The following EDIL3 variants were observed in gnomAD, a reference collection of about 807,000 sequenced individuals.
EDIL3 encodes the protein EGF-like repeat and discoidin I-like domain-containing protein 3.
A neutral mutation model predicts 67.4 loss-of-function variants in EDIL3; 37 were observed. The ratio of observed to expected loss-of-function variants is 0.55; its 90% CI spans 0.42 to 0.72. The LOEUF (loss-of-function observed/expected upper bound fraction) is 0.72, where lower values mean the gene tolerates loss of function less well. Among genes scored for constraint, EDIL3 ranks in the 30% least tolerant of loss-of-function variants. The pLI is 0.00. For missense variants in EDIL3, 527 were observed against 586.3 expected (o/e 0.90, Z 1.04); for synonymous variants, 195 against 196.3 (o/e 0.99, Z 0.05).
chr5:84,028,206 T>A (rs1745852946), intron 9 of EDIL3, among the ~76,000 whole-genome samples: 1 of 152,164 alleles, frequency 6.6e-6, no homozygotes, highest in Admixed American at 6.5e-5. Context: ...CTTGCTTTAC[T>A]CAGGGGCTTA....
intron 3 of EDIL3, among the ~76,000 whole-genome samples, chr5:84,208,685 C>CAAAAAAA (rs70975546): frequency 3.4e-5 from 2 of 59,410 alleles, no homozygotes; most frequent in Admixed American, 2.7e-4. Flanking sequence ...GACTCCGTCT[C>CAAAAAAA]AAAAAAAAAA....
chr5:84,283,652 C>T (rs1295364090), intron 1 of EDIL3, among the ~76,000 whole-genome samples: 1 of 152,202 alleles, frequency 6.6e-6, no homozygotes, highest in Non-Finnish European at 1.5e-5. Context: ...AAATCTTCCT[C>T]AATCTCTCAT....
intron 9 of EDIL3, among the ~76,000 whole-genome samples, chr5:84,007,220 T>C (rs1745433859): frequency 6.6e-6 from 1 of 152,124 alleles, no homozygotes; most frequent in Non-Finnish European, 1.5e-5. Flanking sequence ...TGGGCAAAGA[T>C]TTCTTGAGTG....
At chr5:84,015,648 A>T (rs1037090973) in intron 9 of EDIL3, among the ~76,000 whole-genome samples, 1 of 151,770 alleles carries the variant, frequency 6.6e-6, no homozygotes, top group African/African-American at 2.4e-5. Context: ...AAGAGATATA[A>T]CAAGAGTGTG....
At chr5:84,294,705 G>T (rs1746007034) in intron 1 of EDIL3, among the ~76,000 whole-genome samples, 1 of 152,118 alleles carries the variant, frequency 6.6e-6, no homozygotes, top group Non-Finnish European at 1.5e-5. Flanking sequence ...GCACAGTTAG[G>T]AAATAAATTG....
rs1231320538 is a variant in EDIL3 at position 84,064,783 on chromosome 5, T to C, written c.869A>G (p.Lys290Arg). ...PYANSFTPPI[K>R]AQYVRLYPQV... ...GGGATAGAGTCTTACATACTGAGCT[T>C]TTATGGGGGGTGTGAAAGAGTTAGC... Residue 290 changes from lysine to arginine, a missense_variant, in exon 8 of 11, where the codon AAA (lysine) becomes AGA (arginine). Physicochemically the swap from Lys to Arg is conservative, Grantham distance 26. This residue lies in a region of EDIL3 where 494 missense variants were observed against 522.5 expected (regional missense o/e 0.95). Transcript: ENST00000296591. 1.2e-6 allele frequency: 2 copies of C among 1,613,904 alleles called. No homozygotes were observed. The highest frequency in any genetic ancestry group is 8.5e-7 in the Non-Finnish European group (1 of 1,179,848).
chr5:84,115,459 G>T (rs1487528320), intron 5 of EDIL3, among the ~76,000 whole-genome samples: 1 of 152,012 alleles, frequency 6.6e-6, no homozygotes, highest in Non-Finnish European at 1.5e-5. Flanking sequence ...ATTGATTTGT[G>T]AGCATATTGA....
intron 1 of EDIL3, among the ~76,000 whole-genome samples, chr5:84,360,754 T>G (rs1346736019): frequency 6.6e-6 from 1 of 152,190 alleles, no homozygotes; most frequent in Non-Finnish European, 1.5e-5. Context: ...TGATTTCATT[T>G]CACTCTAATC....
intron 10 of EDIL3, 37 bp from the exon 11 acceptor site, chr5:83,943,605 C>G (rs1210779822): frequency 2.5e-6 from 4 of 1,595,284 alleles, no homozygotes; most frequent in Non-Finnish European, 3.4e-6. Context: ...AGTCACACAG[C>G]CTTCTTTCTT....
chr5:84,290,924 C>T (rs756553869), intron 1 of EDIL3, among the ~76,000 whole-genome samples: 2 of 152,140 alleles, frequency 1.3e-5, no homozygotes, highest in Non-Finnish European at 2.9e-5. Flanking sequence ...AGTTTCAACC[C>T]TTGAACAGAA....
chr5:84,104,076 G>A (rs1425024418), intron 6 of EDIL3, among the ~76,000 whole-genome samples: 1 of 152,080 alleles, frequency 6.6e-6, no homozygotes, highest in Non-Finnish European at 1.5e-5. Context: ...GAACATGAAT[G>A]AAGCTGGAGC....
chr5:84,257,054 T>C (rs1232026929), intron 1 of EDIL3, among the ~76,000 whole-genome samples: 1 of 152,210 alleles, frequency 6.6e-6, no homozygotes, highest in Non-Finnish European at 1.5e-5. Context: ...TCCCACTCTG[T>C]CCTATAACCA....
At chr5:84,066,755 C>T (rs1746649770) in intron 6 of EDIL3, 149 bp from the exon 7 acceptor site, 1 of 1,042,854 alleles carries the variant, frequency 9.6e-7, no homozygotes, top group Non-Finnish European at 1.3e-6. Flanking sequence ...TTACAATAGG[C>T]ATATATTAAA....
chr5:83,971,340 G>A (rs1326792770), intron 9 of EDIL3, among the ~76,000 whole-genome samples: 1 of 149,474 alleles, frequency 6.7e-6, no homozygotes, highest in Non-Finnish European at 1.5e-5. Flanking sequence ...TGAAGTGCAT[G>A]ATCATAGGTC....
In EDIL3 at chr5:84,197,669, A is replaced by G. The variant is rs536362011; in HGVS notation, c.227-17148T>C. ...CGAAACTACATCTCAAAAAAAAAAA[A>G]GCAAACAAACAAAAAAAAAGTTAAG... On this transcript the variant is annotated intron_variant, in intron 3 of 10. Transcript: ENST00000296591. Among the ~76,000 whole-genome samples the G allele has an allele frequency of 5.9e-5, 9 of 151,770 alleles. No homozygotes were observed. In the East Asian group the frequency reaches 1.6e-3, roughly 26 times the overall value.
chr5:84,269,460 T>C lies in EDIL3; in HGVS notation c.68-15248A>G, dbSNP rs553012238. ...CTAGTATCCTTTCAGAAATATTATC[T>C]CAATAAAGAATACTACTAATAGTAT... On this transcript the variant is annotated intron_variant, in intron 1 of 10. Transcript: ENST00000296591. 8.5e-5 allele frequency among the ~76,000 whole-genome samples: 13 copies of C among 152,288 alleles called. 1 individual carries two copies. Among genetic ancestry groups the C allele is most frequent in the Admixed American group, 8.5e-4 (13 of 15,290 alleles).
At chr5:84,271,749 T>C (rs1321752931) in intron 1 of EDIL3, among the ~76,000 whole-genome samples, 1 of 152,160 alleles carries the variant, frequency 6.6e-6, no homozygotes, top group African/African-American at 2.4e-5. Flanking sequence ...CCAATACCAT[T>C]AGGAATAAAA....
At chr5:84,164,005 C>T (rs1748658996) in intron 4 of EDIL3, among the ~76,000 whole-genome samples, 1 of 152,080 alleles carries the variant, frequency 6.6e-6, no homozygotes, top group Non-Finnish European at 1.5e-5. Context: ...AGAAGGCCAA[C>T]TTAGACCTCT....
At chr5:84,208,004 A>C (rs1744023572) in intron 3 of EDIL3, among the ~76,000 whole-genome samples, 1 of 151,728 alleles carries the variant, frequency 6.6e-6, no homozygotes, top group Non-Finnish European at 1.5e-5. Flanking sequence ...CTTCATGTCT[A>C]AAACACCAAA....
Sources: gnomAD v4.1 joint callset for allele counts (sites outside exome capture counted in the v4.1 genomes callset) on GRCh38, gnomAD v4.1.1 for gene constraint, gnomAD v4.1.1 regional missense constraint, MANE v1.5 for transcripts, NCBI Gene and HGNC (gene_info 2026-07-23, HGNC 2026-07-21) for gene names.